The following ZNF423 variants were observed in gnomAD, a reference collection of about 807,000 sequenced individuals.
The protein encoded by ZNF423 is Ebf-associated zinc finger protein.
Under a neutral mutation model 95.8 loss-of-function variants are expected in ZNF423, and 12 were observed. That is an observed-to-expected ratio of 0.13 (90% CI 0.08 to 0.20). The LOEUF is 0.20. Ranked by LOEUF, ZNF423 falls within the 10% of genes least tolerant of loss-of-function variation. The pLI, the probability that ZNF423 is intolerant of heterozygous loss-of-function variation, is 1.00. For missense variants in ZNF423, 1,316 were observed against 1,737.1 expected (o/e 0.76, Z 4.31); for synonymous variants, 749 against 711.9 (o/e 1.05, Z -0.83).
chr16:49,538,141 CA>C (rs1308560869), intron 5 of ZNF423, among the ~76,000 whole-genome samples: 1 of 152,206 alleles, frequency 6.6e-6, no homozygotes, highest in Non-Finnish European at 1.5e-5. Context: ...CAGGGACAGG[CA>C]GAGGGGGACT....
chr16:49,699,936 C>G (rs921662761), intron 3 of ZNF423, among the ~76,000 whole-genome samples: 1 of 152,104 alleles, frequency 6.6e-6, no homozygotes, highest in Non-Finnish European at 1.5e-5. Flanking sequence ...CACAGCAGCT[C>G]CCGAGCCAGG....
At chr16:49,692,154 T>G (rs1399143524) in intron 3 of ZNF423, among the ~76,000 whole-genome samples, 4 of 152,212 alleles carry the variant, frequency 2.6e-5, no homozygotes, top group African/African-American at 7.2e-5. Context: ...CATCTCACTT[T>G]GTGTTGCTCA....
chr16:49,726,703 T>C (rs1220348150), intron 3 of ZNF423, among the ~76,000 whole-genome samples: 1 of 151,176 alleles, frequency 6.6e-6, no homozygotes, highest in Non-Finnish European at 1.5e-5. Flanking sequence ...CCCATCACAC[T>C]TACCCAGTCA....
chr16:49,569,729 G>A lies in ZNF423; in HGVS notation c.3602-44235C>T, dbSNP rs146670381. Among the ~76,000 whole-genome samples, 285 of 152,218 alleles carry A rather than the reference G, an allele frequency of 1.9e-3. 1 individual carries two copies. The highest frequency in any genetic ancestry group is 5.5e-3 in the African/African-American group (228 of 41,532). ...CCCTAGCCTAAGTAGTGGAGTGCCC[G>A]TGGAAAAAAAGACTGGCAGCTTAAA... On this transcript the variant is annotated intron_variant, in intron 5 of 7. Transcript: ENST00000563137.
chr16:49,675,246 G>T (rs936625061), intron 3 of ZNF423, among the ~76,000 whole-genome samples: 1 of 152,152 alleles, frequency 6.6e-6, no homozygotes, highest in African/African-American at 2.4e-5. Flanking sequence ...TATATGCCAG[G>T]TATAAGCTCT....
intron 2 of ZNF423, among the ~76,000 whole-genome samples, chr16:49,753,251 A>G (rs1348883561): frequency 6.6e-6 from 1 of 151,846 alleles, no homozygotes; most frequent in Non-Finnish European, 1.5e-5. Flanking sequence ...CTCAAAGCAA[A>G]ATAATAATAA....
Position 49,491,186 on chromosome 16 carries a change from A to T in ZNF423, c.*89T>A, listed in dbSNP as rs1344578278. 7 of 1,529,564 alleles carry T rather than the reference A, an allele frequency of 4.6e-6. No homozygotes were observed. Among genetic ancestry groups the T allele is most frequent in the Non-Finnish European group, 6.3e-6 (7 of 1,104,378 alleles). 94.7% of individuals were successfully genotyped at this position (1,529,564 alleles called of 1,614,324 possible). A position where few individuals can be genotyped will look rare whatever the true frequency, so the allele number is the denominator to read the frequency against. ...GAGTTTTACATCTGGGTTGCAAATGACACTTTGATTGGATGTAATGTTCAA... is the reference window on the plus strand; with the variant it reads ...GAGTTTTACATCTGGGTTGCAAATGTCACTTTGATTGGATGTAATGTTCAA... On this transcript the variant is annotated 3_prime_UTR_variant, in exon 8 of 8. Coordinates refer to ENST00000563137, the MANE Select transcript of ZNF423 (RefSeq NM_001379286.1).
chr16:49,528,072 C>G lies in ZNF423; in HGVS notation c.3602-2578G>C, dbSNP rs182146375. Among the ~76,000 whole-genome samples the G allele has an allele frequency of 2.3e-3, 357 of 152,306 alleles. 1 individual carries two copies. The highest frequency in any genetic ancestry group is 8.4e-3 in the African/African-American group (348 of 41,564). ...GACGTCCCCAGGCTGGGCCCTCTCT[C>G]CCTGCCCAGCTAGGGGCTCTGGGGG... On this transcript the variant is annotated intron_variant, in intron 5 of 7. Coordinates refer to ENST00000563137, the MANE Select transcript of ZNF423 (RefSeq NM_001379286.1).
At chr16:49,845,254 G>A (rs1203043116) in intron 1 of ZNF423, among the ~76,000 whole-genome samples, 2 of 151,364 alleles carry the variant, frequency 1.3e-5, no homozygotes, top group Non-Finnish European at 1.5e-5. Context: ...ACAGGCGCAT[G>A]CCACCACGCC....
intron 3 of ZNF423, among the ~76,000 whole-genome samples, chr16:49,713,960 G>A (rs1170673277): frequency 6.6e-6 from 1 of 152,096 alleles, no homozygotes; most frequent in African/African-American, 2.4e-5. Context: ...CTTTCTCCCT[G>A]CAACTCCATC....
intron 2 of ZNF423, among the ~76,000 whole-genome samples, chr16:49,779,003 T>C (rs1363853080): frequency 6.6e-6 from 1 of 152,166 alleles, no homozygotes; most frequent in African/African-American, 2.4e-5. Flanking sequence ...ATTGAACAGC[T>C]AATAAGTATC....
chr16:49,760,389 C>T (rs931702167), intron 2 of ZNF423, among the ~76,000 whole-genome samples: 1 of 151,984 alleles, frequency 6.6e-6, no homozygotes, highest in Non-Finnish European at 1.5e-5. Context: ...AATTTGTCAC[C>T]CTTTCACAAG....
chr16:49,538,217 C>A (rs368045344), intron 5 of ZNF423, among the ~76,000 whole-genome samples: 1 of 152,190 alleles, frequency 6.6e-6, no homozygotes, highest in African/African-American at 2.4e-5. Context: ...CACCTCCACA[C>A]AGCCTCCAAC....
At chr16:49,691,962 T>G (rs1393958950) in intron 3 of ZNF423, among the ~76,000 whole-genome samples, 2 of 151,748 alleles carry the variant, frequency 1.3e-5, no homozygotes, top group Non-Finnish European at 2.9e-5. Context: ...TTTGTTTGTT[T>G]ATTGAGACAG....
intron 4 of ZNF423, among the ~76,000 whole-genome samples, chr16:49,627,042 C>T (rs527924425): frequency 5.9e-5 from 6 of 101,624 alleles, no homozygotes; most frequent in Non-Finnish European, 1.2e-4. Context: ...CATATACACC[C>T]ACCAATAGAC....
chr16:49,729,763 G>C (rs1011610089), intron 3 of ZNF423, among the ~76,000 whole-genome samples: 10 of 151,970 alleles, frequency 6.6e-5, no homozygotes, highest in Admixed American at 6.6e-4. Flanking sequence ...GATGTCACTA[G>C]AGGGCAAATC....
Position 49,834,923 on chromosome 16 carries a change from C to A in ZNF423, c.40+20812G>T, listed in dbSNP as rs562129248. Among the ~76,000 whole-genome samples the A allele has an allele frequency of 1.8e-4, 27 of 151,906 alleles. No individual in the cohort carries two copies. The South Asian group carries it at 5.4e-3, about 30-fold the overall frequency. Reference sequence around the variant, plus strand: ...GGAGGGGCCAAGGAGCTTGAGAAGGCACCCAGGGGGAGGGGACCAGGGGAA... The same window carrying A: ...GGAGGGGCCAAGGAGCTTGAGAAGGAACCCAGGGGGAGGGGACCAGGGGAA... On this transcript the variant is annotated intron_variant, in intron 1 of 7. Transcript: ENST00000563137.
chr16:49,563,026 ACC>A (rs1452209900), intron 5 of ZNF423, among the ~76,000 whole-genome samples: 1 of 152,026 alleles, frequency 6.6e-6, no homozygotes, highest in African/African-American at 2.4e-5. Context: ...CTCATGATCC[ACC>A]CACCTTGGCC....
In ZNF423 at chr16:49,815,079, G is replaced by A. The variant is rs556023815; in HGVS notation, c.41-25533C>T. 4.6e-5 allele frequency among the ~76,000 whole-genome samples: 7 copies of A among 152,246 alleles called. No homozygotes were observed. In the East Asian group the frequency reaches 9.6e-4, roughly 21 times the overall value. On this transcript the variant is annotated intron_variant, in intron 1 of 7. Transcript: ENST00000563137. ...GGATGAAACCAACCAGGCTCACAGCGGGGCTCGGCCGCTCATCAGCTGTGT... is the reference window on the plus strand; with the variant it reads ...GGATGAAACCAACCAGGCTCACAGCAGGGCTCGGCCGCTCATCAGCTGTGT...
Sources: gnomAD v4.1 joint callset for allele counts (sites outside exome capture counted in the v4.1 genomes callset) on GRCh38, gnomAD v4.1.1 for gene constraint, MANE v1.5 for transcripts, NCBI Gene and HGNC (gene_info 2026-07-23, HGNC 2026-07-21) for gene names.